Variants in AVIL observed in about 807,000 individuals in gnomAD.
AVIL encodes the protein advillin.
Under a neutral mutation model 109.9 loss-of-function variants are expected in AVIL, and 78 were observed. The observed-to-expected ratio is 0.71, with a 90% CI of 0.59 to 0.86. The LOEUF is 0.86. AVIL is among the 40% of genes least tolerant of loss of function. The probability of loss-of-function intolerance (pLI) is 0.00; values close to 1 mark genes in which losing one functional copy is unlikely to be tolerated. For synonymous variants in AVIL, 367 were observed against 379.1 expected (o/e 0.97, Z 0.37); for missense variants, 892 against 1,016.5 (o/e 0.88, Z 1.67).
chr12:57,800,089 G>A (rs1955817064), intron 18 of AVIL, 169 bp from the exon 19 acceptor site: 2 of 898,134 alleles, frequency 2.2e-6, no homozygotes, highest in Non-Finnish European at 3.3e-6. Flanking sequence ...AATCATCTGG[G>A]AATAGAAAAT....
chr12:57,807,458 G>A lies in AVIL; in HGVS notation c.1364C>T (p.Ala455Val). 1 of 1,614,258 alleles carries A rather than the reference G, an allele frequency of 6.2e-7. No individual in the cohort carries two copies. Among genetic ancestry groups the A allele is most frequent in the Non-Finnish European group, 8.5e-7 (1 of 1,180,054 alleles). ...GRHASQDELA[A>V]SAYQAVEVDR... ...CACCTCCACTGCCTGGTATGCTGAG[G>A]CTGCCAGCTCATCCTGTGAGGCGTG... is the stretch of plus-strand genomic sequence containing the variant. Residue 455 changes from alanine to valine, a missense_variant, in exon 13 of 20, where the codon GCC becomes GTC. Ala to Val is a moderately conservative substitution (Grantham distance 64). Coordinates refer to ENST00000549994, the MANE Select transcript of AVIL (RefSeq NM_006576.4).
In AVIL at chr12:57,797,791, G is replaced by C; in HGVS notation, c.*91C>G. On this transcript the variant is annotated 3_prime_UTR_variant, in exon 20 of 20. Transcript: ENST00000549994. ...TTATATCTAAATTAAGTAGCTGAAT[G>C]TCAGGCAGAAATTGGTGGATAAATT... The C allele has an allele frequency of 1.9e-6, 2 of 1,045,318 alleles. No homozygotes were observed. The highest frequency in any genetic ancestry group is 2.6e-6 in the Non-Finnish European group (2 of 755,840). The allele number at this position is 1,045,318 out of a possible 1,614,324, so 64.8% of individuals were successfully genotyped here.
At chr12:57,814,389 G>T in intron 2 of AVIL, 163 bp from the exon 3 acceptor site, 1 of 660,564 alleles carries the variant, frequency 1.5e-6, no homozygotes, top group Non-Finnish European at 2.6e-6. Context: ...GGGTTAACGT[G>T]GCCATCCCTC....
At position 57,809,687 on chromosome 12, in the gene AVIL, G is replaced by A. The variant is rs1956008984; in HGVS notation, c.849C>T (p.Tyr283=). 7.4e-6 allele frequency: 12 copies of A among 1,614,178 alleles called. No individual in the cohort carries two copies. Among genetic ancestry groups the A allele is most frequent in the Non-Finnish European group, 8.5e-6 (10 of 1,180,032 alleles). The change falls in exon 9 of 20, where the codon TAC becomes TAT. Residue 283 remains tyrosine, a synonymous_variant. Coordinates refer to ENST00000549994, the MANE Select transcript of AVIL (RefSeq NM_006576.4). The part of the protein sequence containing the change: ...VQDLLNHDDC[Y]ILDQSGTKIY... ...TTTTGGTTCCACTTTGGTCCAGGAT[G>A]TAGCAGTCCTAAAGCAGCCAGAGAT...
chr12:57,806,698 C>T (rs1222370984), intron 13 of AVIL, 159 bp from the exon 14 acceptor site: 7 of 692,432 alleles, frequency 1.0e-5, no homozygotes, highest in Non-Finnish European at 1.4e-5. Flanking sequence ...AGTTATGTCA[C>T]CGATAACAAC....
intron 14 of AVIL, chr12:57,803,894 G>T: frequency 2.3e-6 from 1 of 440,244 alleles, no homozygotes; most frequent in Non-Finnish European, 3.9e-6. Context: ...GTGGGTGTTG[G>T]CAAAAGTCAC....
chr12:57,810,313 C>CCCAGCTT (rs141790438), intron 7 of AVIL, 36 bp downstream of exon 7: 45,020 of 1,610,102 alleles, frequency 0.028, 773 homozygotes, highest in Non-Finnish European at 0.034. Flanking sequence ...TCCCCCCAAC[C>CCCAGCTT]CCAGCTTCCA....
chr12:57,812,083 C>T (rs985041506), intron 4 of AVIL, among the ~76,000 whole-genome samples: 6 of 152,154 alleles, frequency 3.9e-5, no homozygotes, highest in Admixed American at 6.5e-5. Flanking sequence ...CTTGACCTCC[C>T]GGGCTCAAGT....
chr12:57,812,460 C>T (rs558847735), intron 4 of AVIL, among the ~76,000 whole-genome samples: 1 of 152,188 alleles, frequency 6.6e-6, no homozygotes, highest in Non-Finnish European at 1.5e-5. Flanking sequence ...CTCCTGGGTT[C>T]AAATGATTCT....
chr12:57,797,757 C>T lies in AVIL; in HGVS notation c.*125G>A, dbSNP rs2140431097. The T allele has an allele frequency of 2.6e-6, 2 of 772,300 alleles. No homozygotes were observed. The highest frequency in any genetic ancestry group is 3.7e-6 in the Non-Finnish European group (2 of 546,048). The allele number at this position is 772,300 out of a possible 1,614,324, so 47.8% of individuals were successfully genotyped here. On this transcript the variant is annotated 3_prime_UTR_variant, in exon 20 of 20. Transcript: ENST00000549994. ...AAAATGGAGAACATGCCGTGATTTG[C>T]AGACTCTATTATATCTAAATTAAGT...
At chr12:57,812,241 C>G (rs948968011) in intron 4 of AVIL, among the ~76,000 whole-genome samples, 2 of 152,216 alleles carry the variant, frequency 1.3e-5, no homozygotes, top group Non-Finnish European at 2.9e-5. Context: ...ACTGTGTTGC[C>G]TAGGCTGATC....
chr12:57,807,884 T>G, intron 11 of AVIL, 157 bp from the exon 12 acceptor site: 1 of 1,090,694 alleles, frequency 9.2e-7, no homozygotes, highest in Non-Finnish European at 1.4e-6. Flanking sequence ...TCATCACATT[T>G]GCATGATTTG....
At chr12:57,805,136 A>C (rs1955922926) in intron 14 of AVIL, among the ~76,000 whole-genome samples, 1 of 151,818 alleles carries the variant, frequency 6.6e-6, no homozygotes, top group African/African-American at 2.4e-5. Flanking sequence ...GCTCACTGCA[A>C]CCTCCACCTG....
At position 57,807,223 on chromosome 12, in the gene AVIL, A is replaced by G. The variant is rs1248913719; in HGVS notation, c.1491+108T>C. ...ACCCCCTTCTTCCTCTGTCTAATCC[A>G]AGCCTGACTCCCTACCCCACCCCTC... On this transcript the variant is annotated intron_variant, in intron 13 of 19. Transcript: ENST00000549994. The G allele has an allele frequency of 5.9e-6, 9 of 1,524,150 alleles. No individual in the cohort carries two copies. The East Asian group carries it at 2.0e-4, about 34-fold the overall frequency. The allele number at this position is 1,524,150 out of a possible 1,614,324, so 94.4% of individuals were successfully genotyped here. A position where few individuals can be genotyped will look rare whatever the true frequency, so the allele number is the denominator to read the frequency against.
rs776706732 is a variant in AVIL, at chr12:57,806,470, C to T, written c.1561G>A (p.Asp521Asn). Residue 521 changes from aspartate to asparagine, a missense_variant, in exon 14 of 20, where the codon GAC becomes AAC. Physicochemically the swap from Asp to Asn is conservative, Grantham distance 23. Coordinates refer to ENST00000549994, the MANE Select transcript of AVIL (RefSeq NM_006576.4). ...TCCACTGCTTTGGTGTTAGATTTGT[C>T]ATTTCCATGAATTTGGAAGAGTCTT... ...PVRLFQIHGN[D>N]KSNTKAVEVP... 6.8e-6 allele frequency: 11 copies of T among 1,614,168 alleles called. No individual in the cohort carries two copies. In the Admixed American group the frequency reaches 1.3e-4, roughly 20 times the overall value.
chr12:57,803,212 T>C (rs1332229216), intron 16 of AVIL, 35 bp downstream of exon 16: 4 of 1,613,114 alleles, frequency 2.5e-6, no homozygotes, highest in South Asian at 1.1e-5. Flanking sequence ...TGTGGGAGTC[T>C]TTCTCATGTT....
In AVIL at chr12:57,811,055, T is replaced by G; in HGVS notation, c.411A>C (p.Leu137=). 1 of 1,614,182 alleles carries G rather than the reference T, an allele frequency of 6.2e-7. No homozygotes were observed. ...TGATGTTTCTTTTCCCTTTCACATG[T>G]AGCAGCCGCTTCACGTCGTAGGTAT... ...ETNTYDVKRL[L]HVKGKRNIRA... is the part of the protein sequence containing the mutation. The change falls in exon 5 of 20, where the codon CTA becomes CTC. Residue 137 remains leucine, a synonymous_variant. Transcript: ENST00000549994.
intron 17 of AVIL, 150 bp downstream of exon 17, chr12:57,802,010 G>A: frequency 1.1e-6 from 1 of 890,040 alleles, no homozygotes; most frequent in Admixed American, 2.9e-5. Flanking sequence ...TGAAAAAGAG[G>A]AGAAAAGTAA....
At chr12:57,811,204 A>G (rs1956034249) in intron 4 of AVIL, 77 bp from the exon 5 acceptor site, 3 of 1,334,532 alleles carry the variant, frequency 2.2e-6, no homozygotes, top group Non-Finnish European at 3.2e-6. Flanking sequence ...AATTACACAG[A>G]TGCAGCCTCA....
Sources: allele counts gnomAD v4.1 joint callset (sites outside exome capture counted in the v4.1 genomes callset), GRCh38; gene constraint gnomAD v4.1.1; transcripts MANE v1.5; gene names NCBI Gene and HGNC (gene_info 2026-07-23, HGNC 2026-07-21).